The following DLG2 variants were observed in gnomAD, a reference collection of about 807,000 sequenced individuals.
DLG2 encodes disks large homolog 2.
DLG2 carries 45 observed loss-of-function variants against 132.5 expected under a neutral mutation model. The observed-to-expected ratio is 0.34, with a 90% CI of 0.27 to 0.44. The LOEUF is 0.44. DLG2 is among the 20% of genes least tolerant of loss of function. The pLI is 1.00. For missense variants in DLG2, 1,045 were observed against 1,196.9 expected, an observed-to-expected ratio of 0.87 and a Z score of 1.87; for synonymous variants, 424 against 419.6, an observed-to-expected ratio of 1.01 and a Z score of -0.13.
intron 6 of DLG2, among the ~76,000 whole-genome samples, chr11:85,067,834 G>A (rs1440805268): frequency 6.6e-6 from 1 of 151,856 alleles, no homozygotes; most frequent in Non-Finnish European, 1.5e-5. Flanking sequence ...CAAAGCCTGG[G>A]AGAGACACAA....
In DLG2 at chr11:84,764,851, C is replaced by G. The variant is rs76340451; in HGVS notation, c.358-230120G>C. ...AGGTGCTACAAGCAGCTTATTGTTA[C>G]TGGTAAGTAAAGATGAAAGGGGAAA... On this transcript the variant is annotated intron_variant, in intron 6 of 27. Transcript: ENST00000376104. 1.1e-4 allele frequency among the ~76,000 whole-genome samples: 17 copies of G among 152,088 alleles called. No individual in the cohort carries two copies. The East Asian group carries it at 3.3e-3, about 29-fold the overall frequency.
chr11:83,583,396 T>C (rs1387031170), intron 19 of DLG2, among the ~76,000 whole-genome samples: 1 of 152,086 alleles, frequency 6.6e-6, no homozygotes, highest in Admixed American at 6.6e-5. Context: ...TTTGGTTGAG[T>C]CCATTATTAG....
chr11:84,895,824 G>A (rs1479498633), intron 6 of DLG2, among the ~76,000 whole-genome samples: 2 of 148,464 alleles, frequency 1.3e-5, no homozygotes, highest in African/African-American at 2.6e-5. Flanking sequence ...ATAATCATCT[G>A]AGAATGGAGA....
intron 6 of DLG2, among the ~76,000 whole-genome samples, chr11:85,100,194 G>C (rs2070652065): frequency 6.6e-6 from 1 of 152,072 alleles, no homozygotes; most frequent in African/African-American, 2.4e-5. Flanking sequence ...AGCTGTGAGA[G>C]AGTTCATTGC....
chr11:84,314,250 C>A (rs1567263468), intron 7 of DLG2, among the ~76,000 whole-genome samples: 1 of 152,216 alleles, frequency 6.6e-6, no homozygotes, highest in Non-Finnish European at 1.5e-5. Context: ...ATGCACTATT[C>A]TTCTTTACGC....
chr11:83,590,977 G>A (rs1300061050), intron 19 of DLG2, among the ~76,000 whole-genome samples: 1 of 151,590 alleles, frequency 6.6e-6, no homozygotes, highest in African/African-American at 2.4e-5. Flanking sequence ...AATAACAGGA[G>A]CTGAAATTGT....
intron 6 of DLG2, among the ~76,000 whole-genome samples, chr11:84,888,577 C>T (rs1229202932): frequency 2.0e-5 from 3 of 151,974 alleles, no homozygotes; most frequent in Non-Finnish European, 2.9e-5. Flanking sequence ...TCTTTCTCTC[C>T]TTTTTATATA....
chr11:84,043,809 C>T (rs1008004126), intron 11 of DLG2, among the ~76,000 whole-genome samples: 4 of 151,592 alleles, frequency 2.6e-5, no homozygotes, highest in African/African-American at 7.3e-5. Flanking sequence ...TTCATAAGTT[C>T]TGTAATGGTA....
chr11:85,349,182 G>C (rs1446981289), intron 3 of DLG2, among the ~76,000 whole-genome samples: 2 of 152,036 alleles, frequency 1.3e-5, no homozygotes, highest in African/African-American at 4.8e-5. Flanking sequence ...ACTGTTTGTA[G>C]ATAAACAAAT....
chr11:85,515,182 C>G (rs748109729), intron 3 of DLG2, among the ~76,000 whole-genome samples: 1 of 151,906 alleles, frequency 6.6e-6, no homozygotes, highest in Non-Finnish European at 1.5e-5. Context: ...CTAATTTTGA[C>G]CTAGTCCATC....
intron 3 of DLG2, among the ~76,000 whole-genome samples, chr11:85,347,906 C>A (rs1299378685): frequency 2.9e-5 from 4 of 139,208 alleles, no homozygotes; most frequent in African/African-American, 8.2e-5. Context: ...TGGGTTTAAG[C>A]AATCCGCTCA....
intron 6 of DLG2, among the ~76,000 whole-genome samples, chr11:84,666,944 A>G (rs1182673821): frequency 2.0e-5 from 3 of 152,152 alleles, no homozygotes; most frequent in Non-Finnish European, 2.9e-5. Flanking sequence ...GCTTCATTTC[A>G]TGGTAGAGAA....
At chr11:85,454,199 C>T (rs1290177564) in intron 3 of DLG2, among the ~76,000 whole-genome samples, 1 of 151,238 alleles carries the variant, frequency 6.6e-6, no homozygotes, top group African/African-American at 2.4e-5. Context: ...TCAACCTCAC[C>T]ATCATCTGTT....
chr11:84,680,084 T>C (rs1397283984), intron 6 of DLG2, among the ~76,000 whole-genome samples: 1 of 152,112 alleles, frequency 6.6e-6, no homozygotes, highest in Non-Finnish European at 1.5e-5. Flanking sequence ...TTCACTTCTT[T>C]ATACATGATA....
chr11:83,807,423 C>T (rs1046640797), intron 17 of DLG2, among the ~76,000 whole-genome samples: 4 of 152,168 alleles, frequency 2.6e-5, no homozygotes, highest in African/African-American at 9.7e-5. Context: ...AACTCTCCAG[C>T]AAGGTGTGAG....
chr11:85,452,056 T>G (rs1307435766), intron 3 of DLG2, among the ~76,000 whole-genome samples: 1 of 152,026 alleles, frequency 6.6e-6, no homozygotes, highest in African/African-American at 2.4e-5. Flanking sequence ...AAAGCAAATC[T>G]TTACTCTTTA....
chr11:83,600,932 A>G (rs955369874), intron 19 of DLG2, among the ~76,000 whole-genome samples: 3 of 152,204 alleles, frequency 2.0e-5, no homozygotes, highest in East Asian at 3.8e-4. Context: ...ATGATAAACA[A>G]TGTCTGTTCT....
intron 21 of DLG2, among the ~76,000 whole-genome samples, chr11:83,493,320 C>CTT (rs1414605290): frequency 6.6e-6 from 1 of 150,422 alleles, no homozygotes; most frequent in African/African-American, 2.5e-5. Flanking sequence ...ATTTGCCTTC[C>CTT]TTTGTCTTTT....
intron 6 of DLG2, among the ~76,000 whole-genome samples, chr11:84,628,734 G>A (rs1296206864): frequency 6.6e-6 from 1 of 152,144 alleles, no homozygotes; most frequent in Admixed American, 6.5e-5. Flanking sequence ...CACTTGGTGG[G>A]TTGGAGACAA....
Sources: gnomAD v4.1 joint callset for allele counts (sites outside exome capture counted in the v4.1 genomes callset) on GRCh38, gnomAD v4.1.1 for gene constraint, MANE v1.5 for transcripts, NCBI Gene and HGNC (gene_info 2026-07-23, HGNC 2026-07-21) for gene names.